Variants in OSBP2 observed in about 807,000 individuals in gnomAD.
OSBP2 encodes the protein oxysterol-binding protein 2.
Under a neutral mutation model 96.0 loss-of-function variants are expected in OSBP2, and 66 were observed. The ratio of observed to expected loss-of-function variants is 0.69; its 90% CI spans 0.56 to 0.84. The LOEUF (loss-of-function observed/expected upper bound fraction) is 0.84, where lower values mean the gene tolerates loss of function less well. Ranked by LOEUF, OSBP2 falls within the 40% of genes least tolerant of loss-of-function variation. The pLI is 0.00. For synonymous variants in OSBP2, 525 were observed against 520.9 expected, an observed-to-expected ratio of 1.01 and a Z score of -0.11; for missense variants, 1,038 against 1,222.7, an observed-to-expected ratio of 0.85 and a Z score of 2.25.
chr22:30,857,126 C>G (rs1311429896), intron 2 of OSBP2, among the ~76,000 whole-genome samples: 1 of 152,214 alleles, frequency 6.6e-6, no homozygotes, highest in Non-Finnish European at 1.5e-5. Flanking sequence ...AAGCTACCAG[C>G]CGACGGTAGT....
At chr22:30,774,110 CA>C (rs764961433) in intron 2 of OSBP2, among the ~76,000 whole-genome samples, 7 of 152,080 alleles carry the variant, frequency 4.6e-5, no homozygotes, top group Admixed American at 1.3e-4. Context: ...AGAGGTGGCT[CA>C]TAAGAGAGAG....
At position 30,902,206 on chromosome 22, in the gene OSBP2, C is replaced by T. The variant is rs919355533; in HGVS notation, c.2376-3631C>T. ...CATGGTTCCCGTAGCCAGAAGGAGT[C>T]GCTCACAGAGCCCCACACACAGCAT... On this transcript the variant is annotated intron_variant, in intron 12 of 13. Coordinates refer to ENST00000332585, the MANE Select transcript of OSBP2 (RefSeq NM_030758.4). 1.9e-5 allele frequency: 24 copies of T among 1,237,766 alleles called. No homozygotes were observed. The East Asian group carries it at 3.0e-4, about 15-fold the overall frequency. 76.7% of individuals were successfully genotyped at this position (1,237,766 alleles called of 1,614,324 possible). A position where few individuals can be genotyped will look rare whatever the true frequency, so the allele number is the denominator to read the frequency against.
chr22:30,893,995 C>T lies in OSBP2; in HGVS notation c.2369C>T (p.Pro790Leu), dbSNP rs973411668. Residue 790 changes from proline to leucine, a missense_variant, in exon 12 of 14, where the codon CCG becomes CTG. Coordinates refer to ENST00000332585, the MANE Select transcript of OSBP2 (RefSeq NM_030758.4). ...GCCAAGCTGCTGTGGAAGAAGTACC[C>T]GCTGCCGTGAGTAGGGCTGGCAGGG... ...LSAKLLWKKY[P>L]LPENAENMYY... 22 of 1,591,994 alleles carry T rather than the reference C, an allele frequency of 1.4e-5. No homozygotes were observed. In the Middle Eastern group the frequency reaches 8.3e-4, roughly 60 times the overall value.
At chr22:30,787,374 G>A (rs1159480528) in intron 2 of OSBP2, among the ~76,000 whole-genome samples, 2 of 151,852 alleles carry the variant, frequency 1.3e-5, no homozygotes, top group Non-Finnish European at 2.9e-5. Flanking sequence ...TTACTATCAC[G>A]AGAATAGAAT....
chr22:30,704,874 C>T (rs947512031), intron 1 of OSBP2, among the ~76,000 whole-genome samples: 5 of 152,138 alleles, frequency 3.3e-5, no homozygotes, highest in South Asian at 4.1e-4. Flanking sequence ...GCCAAAGGCC[C>T]CTTGGAAGCA....
chr22:30,889,361 T>C, intron 6 of OSBP2, 127 bp downstream of exon 6: 2 of 1,423,308 alleles, frequency 1.4e-6, no homozygotes, highest in Admixed American at 3.5e-5. Context: ...AGCACCATCC[T>C]GGCCTTCCAC....
chr22:30,732,084 A>C (rs952893968), intron 1 of OSBP2, among the ~76,000 whole-genome samples: 21 of 152,170 alleles, frequency 1.4e-4, no homozygotes, highest in African/African-American at 4.8e-4. Context: ...TGGAAAGATC[A>C]CCTGAGGTCA....
At position 30,871,561 on chromosome 22, in the gene OSBP2, G is replaced by A. The variant is rs777624282; in HGVS notation, c.1107+879G>A. Among the ~76,000 whole-genome samples the A allele has an allele frequency of 1.3e-5, 2 of 152,172 alleles. No individual in the cohort carries two copies. The highest frequency in any genetic ancestry group is 2.9e-5 in the Non-Finnish European group (2 of 68,024). ...GCAGAGGAGCTGTACAGAAATGGAG[G>A]CCGCAGAGGAAGAAGTGAGGTCCAG... On this transcript the variant is annotated intron_variant, in intron 3 of 13. Transcript: ENST00000332585. The surrounding 1 kb of genome is among the most constrained non-coding windows in gnomAD (Gnocchi z 4.7).
At chr22:30,791,321 C>CTTTTTT (rs869143598) in intron 2 of OSBP2, among the ~76,000 whole-genome samples, 17 of 63,998 alleles carry the variant, frequency 2.7e-4, no homozygotes, top group Non-Finnish European at 3.9e-4. Flanking sequence ...GGGGATTCTT[C>CTTTTTT]TTTTTTTTTT....
rs561558294 is a variant in OSBP2 at position 30,737,982 on chromosome 22, G to T, written c.645-3179G>T. Among the ~76,000 whole-genome samples the T allele has an allele frequency of 2.0e-5, 3 of 152,110 alleles. No homozygotes were observed. The East Asian group carries it at 5.8e-4, about 29-fold the overall frequency. ...CCGGCTCGGCCTCCCAAAGTGCTGG[G>T]ATTACAGGCGTGAGCCACCGTGCAC... On this transcript the variant is annotated intron_variant, in intron 1 of 13. Transcript: ENST00000332585.
intron 2 of OSBP2, among the ~76,000 whole-genome samples, chr22:30,811,455 C>T (rs897316547): frequency 2.6e-5 from 4 of 151,704 alleles, no homozygotes; most frequent in South Asian, 2.1e-4. Context: ...AAGAGATTCT[C>T]GTGCCTCAGC....
chr22:30,821,672 C>T (rs1336638767), intron 2 of OSBP2, among the ~76,000 whole-genome samples: 1 of 152,050 alleles, frequency 6.6e-6, no homozygotes, highest in Non-Finnish European at 1.5e-5. Context: ...GGCTGCCTGG[C>T]GGAGGCGGTG....
At chr22:30,825,169 T>TC (rs1315907406) in intron 2 of OSBP2, among the ~76,000 whole-genome samples, 5 of 152,138 alleles carry the variant, frequency 3.3e-5, no homozygotes, top group Non-Finnish European at 7.3e-5. Flanking sequence ...ATCCTCAGTT[T>TC]CCCCATCTAA....
chr22:30,740,816 CAT>C (rs1249587186), intron 1 of OSBP2, among the ~76,000 whole-genome samples: 4 of 152,148 alleles, frequency 2.6e-5, no homozygotes, highest in African/African-American at 9.7e-5. Flanking sequence ...AAGAGTTTAG[CAT>C]AGAGTCCGAA....
chr22:30,831,277 C>G (rs2038517542), intron 2 of OSBP2, among the ~76,000 whole-genome samples: 1 of 152,182 alleles, frequency 6.6e-6, no homozygotes, highest in Non-Finnish European at 1.5e-5. Flanking sequence ...TATAATGTGC[C>G]TTGTTTTCAC....
intron 2 of OSBP2, among the ~76,000 whole-genome samples, chr22:30,806,503 C>T (rs1463523275): frequency 2.6e-5 from 4 of 152,298 alleles, no homozygotes; most frequent in African/African-American, 9.6e-5. Context: ...CAGCAGTAAA[C>T]AGGGCTAGAA....
intron 3 of OSBP2, among the ~76,000 whole-genome samples, chr22:30,886,482 C>T (rs1015882175): frequency 1.3e-5 from 2 of 150,856 alleles, no homozygotes; most frequent in Middle Eastern, 3.5e-3. Context: ...AAGACTCTTA[C>T]TTCATCTCTT....
chr22:30,720,613 C>T (rs1056776175), intron 1 of OSBP2, among the ~76,000 whole-genome samples: 3 of 152,216 alleles, frequency 2.0e-5, no homozygotes, highest in Non-Finnish European at 4.4e-5. Context: ...GAAAACACTA[C>T]ACATCCATGA....
chr22:30,897,640 G>A (rs1421015900), intron 12 of OSBP2, among the ~76,000 whole-genome samples: 3 of 152,132 alleles, frequency 2.0e-5, no homozygotes, highest in Non-Finnish European at 4.4e-5. Flanking sequence ...AGAACTGAAT[G>A]ATATAAAAGA....
Sources: gnomAD v4.1 joint callset for allele counts (sites outside exome capture counted in the v4.1 genomes callset) on GRCh38, gnomAD v4.1.1 for gene constraint, Gnocchi (gnomAD v3.1) non-coding constraint, MANE v1.5 for transcripts, NCBI Gene and HGNC (gene_info 2026-07-23, HGNC 2026-07-21) for gene names.